The following CLCN3 variants were observed in gnomAD, a reference collection of about 807,000 sequenced individuals.
CLCN3 encodes Cl-/H+ antiporter 3.
A neutral mutation model predicts 83.4 loss-of-function variants in CLCN3; 16 were observed. That is an observed-to-expected ratio of 0.19 (90% confidence interval 0.13 to 0.29). CLCN3 has a LOEUF of 0.29. Ranked by LOEUF, CLCN3 falls within the 10% of genes least tolerant of loss-of-function variation. The probability of loss-of-function intolerance (pLI) is 1.00; values close to 1 mark genes in which losing one functional copy is unlikely to be tolerated. For synonymous variants in CLCN3, 322 were observed against 346.2 expected (o/e 0.93, Z 0.78); for missense variants, 544 against 1,006.0 (o/e 0.54, Z 6.21).
intron 1 of CLCN3, among the ~76,000 whole-genome samples, chr4:169,631,451 T>G (rs1426983353): frequency 1.3e-5 from 2 of 151,770 alleles, no homozygotes; most frequent in Admixed American, 1.3e-4. Context: ...CACGCCCGGC[T>G]AATTTTTTTT....
intron 2 of CLCN3, among the ~76,000 whole-genome samples, chr4:169,672,784 C>T (rs1407114321): frequency 6.6e-6 from 1 of 152,134 alleles, no homozygotes; most frequent in Non-Finnish European, 1.5e-5. Flanking sequence ...CTGCCTCAGC[C>T]TCCTGAATAG....
Position 169,719,814 on chromosome 4 carries a change from A to G in CLCN3, c.2367-93A>G, listed in dbSNP as rs1581299224. 10 of 981,292 alleles carry G rather than the reference A, an allele frequency of 1.0e-5. 1 individual carries two copies. In the East Asian group the frequency reaches 2.5e-4, roughly 25 times the overall value. 60.8% of individuals were successfully genotyped at this position (981,292 alleles called of 1,614,324 possible). A position where few individuals can be genotyped will look rare whatever the true frequency, so the allele number is the denominator to read the frequency against. On this transcript the variant is annotated intron_variant, in intron 12 of 12. Coordinates refer to ENST00000513761, the MANE Select transcript of CLCN3 (RefSeq NM_001829.4). Reference sequence around the variant, plus strand: ...AAAATCAGGCTGCTTGCTTTGCTCTATTCCTGTCAACAAAAAGGATTTAGC... The same window carrying G: ...AAAATCAGGCTGCTTGCTTTGCTCTGTTCCTGTCAACAAAAAGGATTTAGC...
At chr4:169,641,519 C>G (rs1730412235) in intron 2 of CLCN3, among the ~76,000 whole-genome samples, 1 of 152,144 alleles carries the variant, frequency 6.6e-6, no homozygotes, top group Non-Finnish European at 1.5e-5. Flanking sequence ...AAGCTACCTT[C>G]TGAGCTATTA....
rs1733661864 is a variant in CLCN3 at position 169,722,235 on chromosome 4, G to A, written c.*2238G>A. The A allele has an allele frequency of 6.6e-6, 1 of 152,168 alleles. No individual in the cohort carries two copies. The highest frequency in any genetic ancestry group is 1.5e-5 in the Non-Finnish European group (1 of 68,044). The allele number at this position is 152,168 out of a possible 1,614,324, so 9.4% of individuals were successfully genotyped here. On this transcript the variant is annotated 3_prime_UTR_variant, in exon 13 of 13. Coordinates refer to ENST00000513761, the MANE Select transcript of CLCN3 (RefSeq NM_001829.4). Reference sequence around the variant, plus strand: ...CTATTAAGATCTGTAAGATCCTGAAGACATAAGATCATGAAGCCATATAAG... The same window carrying A: ...CTATTAAGATCTGTAAGATCCTGAAAACATAAGATCATGAAGCCATATAAG...
chr4:169,696,051 G>T (rs1732547993), intron 8 of CLCN3, among the ~76,000 whole-genome samples: 1 of 151,922 alleles, frequency 6.6e-6, no homozygotes, highest in African/African-American at 2.4e-5. Flanking sequence ...CACCATGTTG[G>T]CCAGGCTGTT....
chr4:169,660,301 T>C, intron 2 of CLCN3: 2 of 1,326,920 alleles, frequency 1.5e-6, no homozygotes, highest in Admixed American at 3.9e-5. Context: ...ATGGAAGAAA[T>C]GTCACTTTCT....
At chr4:169,660,972 A>G (rs1473014368) in intron 2 of CLCN3, among the ~76,000 whole-genome samples, 2 of 152,174 alleles carry the variant, frequency 1.3e-5, no homozygotes, top group African/African-American at 4.8e-5. Flanking sequence ...CTATATTAAT[A>G]CTTTTTATTT....
At chr4:169,686,128 A>T (rs1382001777) in intron 3 of CLCN3, among the ~76,000 whole-genome samples, 1 of 152,098 alleles carries the variant, frequency 6.6e-6, no homozygotes, top group African/African-American at 2.4e-5. Flanking sequence ...AACAATGAGA[A>T]CACATGGACA....
chr4:169,650,733 GGGTCAT>G (rs1730708378), intron 2 of CLCN3, among the ~76,000 whole-genome samples: 4 of 152,098 alleles, frequency 2.6e-5, no homozygotes, highest in Non-Finnish European at 5.9e-5. Context: ...ATTCTAAGCA[GGGTCAT>G]GTTCTTAATA....
chr4:169,627,270 G>T (rs911702938), intron 1 of CLCN3, among the ~76,000 whole-genome samples: 2 of 151,998 alleles, frequency 1.3e-5, no homozygotes, highest in African/African-American at 4.8e-5. Context: ...TACTTTTTTT[G>T]TGTGTGTGCC....
chr4:169,635,754 T>G lies in CLCN3; in HGVS notation c.-16-159T>G, dbSNP rs1581191261. 2.0e-5 allele frequency among the ~76,000 whole-genome samples: 3 copies of G among 152,304 alleles called. No homozygotes were observed. In the East Asian group the frequency reaches 5.8e-4, roughly 29 times the overall value. On this transcript the variant is annotated intron_variant, in intron 1 of 12. Coordinates refer to ENST00000513761, the MANE Select transcript of CLCN3 (RefSeq NM_001829.4). ...AACTGTATAATGAGAATAAAATTAT[T>G]ACCTCACCCCAAAATACTTAATAAA...
At chr4:169,637,487 T>C (rs1730251613) in intron 2 of CLCN3, among the ~76,000 whole-genome samples, 2 of 152,070 alleles carry the variant, frequency 1.3e-5, no homozygotes, top group Admixed American at 1.3e-4. Context: ...ACTCTGTCTC[T>C]ACAATAAAAA....
rs2150283773 is a variant in CLCN3, at chr4:169,721,262, T to G, written c.*1265T>G. ...GTAATTTTACCTTTTTAATGTGATT[T>G]TTATAGAATAATTCAGACTTACAAA... On this transcript the variant is annotated 3_prime_UTR_variant, in exon 13 of 13. Coordinates refer to ENST00000513761, the MANE Select transcript of CLCN3 (RefSeq NM_001829.4). The G allele has an allele frequency of 6.6e-6, 1 of 152,342 alleles. No individual in the cohort carries two copies. Among genetic ancestry groups the G allele is most frequent in the Non-Finnish European group, 1.5e-5 (1 of 68,030 alleles). The allele number at this position is 152,342 out of a possible 1,614,324, so 9.4% of individuals were successfully genotyped here.
At chr4:169,621,909 G>A (rs1215792591) in intron 1 of CLCN3, among the ~76,000 whole-genome samples, 1 of 152,178 alleles carries the variant, frequency 6.6e-6, no homozygotes, top group Non-Finnish European at 1.5e-5. Context: ...AAGTGCTTGT[G>A]TATAAATTGT....
chr4:169,654,919 T>G (rs1730837338), intron 2 of CLCN3, among the ~76,000 whole-genome samples: 1 of 152,226 alleles, frequency 6.6e-6, no homozygotes, highest in South Asian at 2.1e-4. Context: ...TCTCCTTGTT[T>G]GTTTCTATTA....
chr4:169,702,641 T>C (rs1376399012), intron 9 of CLCN3: 2 of 161,404 alleles, frequency 1.2e-5, no homozygotes, highest in South Asian at 1.6e-4. Flanking sequence ...TCTCTCACTT[T>C]ATATCAACAG....
At chr4:169,637,053 T>C (rs910705214) in intron 2 of CLCN3, among the ~76,000 whole-genome samples, 1 of 152,204 alleles carries the variant, frequency 6.6e-6, no homozygotes, top group Non-Finnish European at 1.5e-5. Context: ...TTTAAAAAAT[T>C]GGCTATTCCA....
chr4:169,679,137 GGTCGCGGCT>G (rs1395036043), intron 2 of CLCN3, among the ~76,000 whole-genome samples: 203 of 151,674 alleles, frequency 1.3e-3, no homozygotes, highest in African/African-American at 4.7e-3. Context: ...TCTCAGATGG[GGTCGCGGCT>G]GGGCAGAGGT....
chr4:169,710,802 T>C (rs184924093), intron 11 of CLCN3, among the ~76,000 whole-genome samples: 3 of 152,228 alleles, frequency 2.0e-5, no homozygotes, highest in Non-Finnish European at 4.4e-5. Context: ...TGTTATTCTA[T>C]TTAATGTCAC....
Sources: allele counts gnomAD v4.1 joint callset (sites outside exome capture counted in the v4.1 genomes callset), GRCh38; gene constraint gnomAD v4.1.1; transcripts MANE v1.5; gene names NCBI Gene and HGNC (gene_info 2026-07-23, HGNC 2026-07-21).